Variants in RUNX2 observed in about 807,000 individuals in gnomAD.
RUNX2 encodes runt-related transcription factor 2.
RUNX2 carries 10 observed loss-of-function variants against 51.7 expected under a neutral mutation model. The ratio of observed to expected loss-of-function variants is 0.19; its 90% CI spans 0.12 to 0.33. The LOEUF (loss-of-function observed/expected upper bound fraction) is 0.33, where lower values mean the gene tolerates loss of function less well. Ranked by LOEUF, RUNX2 falls within the 10% of genes least tolerant of loss-of-function variation. The pLI is 1.00. For missense variants in RUNX2, 562 were observed against 691.3 expected, an observed-to-expected ratio of 0.81 and a Z score of 2.10; for synonymous variants, 276 against 273.6, an observed-to-expected ratio of 1.01 and a Z score of -0.09.
Position 45,549,666 on chromosome 6 carries a change from A to G in RUNX2, c.*2361A>G, listed in dbSNP as rs1802505891. ...CTGGTTACACATTTCAATTTTAATT[A>G]ATTGACATAAAAATGCTACCGCCAG... On this transcript the variant is annotated 3_prime_UTR_variant, in exon 9 of 9. Coordinates refer to ENST00000647337, the MANE Select transcript of RUNX2 (RefSeq NM_001024630.4). The G allele has an allele frequency of 3.3e-6, 1 of 305,894 alleles. No individual in the cohort carries two copies. The highest frequency in any genetic ancestry group is 5.9e-6 in the Non-Finnish European group (1 of 168,218). 18.9% of individuals were successfully genotyped at this position (305,894 alleles called of 1,614,324 possible). A position where few individuals can be genotyped will look rare whatever the true frequency, so the allele number is the denominator to read the frequency against.
At chr6:45,511,511 T>C (rs969691176) in intron 6 of RUNX2, among the ~76,000 whole-genome samples, 2 of 152,244 alleles carry the variant, frequency 1.3e-5, no homozygotes, top group African/African-American at 2.4e-5. Context: ...CAGTTCTTAA[T>C]GGTAGTTGAC....
chr6:45,474,156 T>G (rs1418131864), intron 5 of RUNX2, among the ~76,000 whole-genome samples: 1 of 151,570 alleles, frequency 6.6e-6, no homozygotes, highest in Admixed American at 6.6e-5. Flanking sequence ...CTTTTCTGTT[T>G]TCTTTTTTTT....
At chr6:45,337,313 C>T (rs1788773816) in intron 2 of RUNX2, among the ~76,000 whole-genome samples, 2 of 151,696 alleles carry the variant, frequency 1.3e-5, no homozygotes, top group Non-Finnish European at 3.0e-5. Flanking sequence ...GAAAAGCTTG[C>T]CATTGCATTT....
intron 2 of RUNX2, chr6:45,371,983 C>A (rs1355442785): frequency 1.2e-6 from 1 of 864,328 alleles, no homozygotes; most frequent in Non-Finnish European, 1.4e-6. Flanking sequence ...GGTCCCCCGA[C>A]ACCTGGTCCA....
chr6:45,412,730 G>A (rs1205337781), intron 2 of RUNX2, among the ~76,000 whole-genome samples: 1 of 151,156 alleles, frequency 6.6e-6, no homozygotes, highest in Non-Finnish European at 1.5e-5. Context: ...GGTGGGAACT[G>A]CCCCTTTTAT....
intron 2 of RUNX2, among the ~76,000 whole-genome samples, chr6:45,404,752 AT>A (rs1797796934): frequency 6.6e-6 from 1 of 152,252 alleles, no homozygotes; most frequent in Admixed American, 6.5e-5. Context: ...GAGTCTCAAC[AT>A]TGCAGAATCA....
At chr6:45,489,867 G>A (rs1800408467) in intron 5 of RUNX2, among the ~76,000 whole-genome samples, 1 of 152,200 alleles carries the variant, frequency 6.6e-6, no homozygotes, top group Admixed American at 6.5e-5. Context: ...TATTAACTTT[G>A]TAATTGAATC....
intron 7 of RUNX2, among the ~76,000 whole-genome samples, chr6:45,520,665 A>T (rs551845014): frequency 1.3e-5 from 2 of 152,046 alleles, no homozygotes; most frequent in South Asian, 2.1e-4. Flanking sequence ...TCGCTGTCTC[A>T]TCTACACCCA....
chr6:45,373,128 T>C (rs1256604409), intron 2 of RUNX2, among the ~76,000 whole-genome samples: 1 of 151,984 alleles, frequency 6.6e-6, no homozygotes, highest in Non-Finnish European at 1.5e-5. Context: ...TGTTTTAAAT[T>C]TTTTCTAGAG....
intron 2 of RUNX2, among the ~76,000 whole-genome samples, chr6:45,394,128 GTCGTGATCCGCCCTCC>G (rs1394424565): frequency 6.6e-6 from 1 of 151,736 alleles, no homozygotes; most frequent in East Asian, 2.0e-4. Flanking sequence ...GTTCAGGCTG[GTCGTGATCCGCCCTCC>G]TCGTGATCCG....
intron 7 of RUNX2, 73 bp downstream of exon 7, chr6:45,512,480 C>G: frequency 6.7e-7 from 1 of 1,496,566 alleles, no homozygotes; most frequent in East Asian, 2.3e-5. Context: ...CTGAGCCTGT[C>G]TCATCCATGC....
rs1802446934 is a variant in RUNX2 at position 45,547,717 on chromosome 6, C to T, written c.*412C>T. 1 of 299,532 alleles carries T rather than the reference C, an allele frequency of 3.3e-6. No homozygotes were observed. 18.6% of individuals were successfully genotyped at this position (299,532 alleles called of 1,614,324 possible). On this transcript the variant is annotated 3_prime_UTR_variant, in exon 9 of 9. Coordinates refer to ENST00000647337, the MANE Select transcript of RUNX2 (RefSeq NM_001024630.4). ...TCTGTGCTTTGAAACTTCACACCCT[C>T]ACGGTGGCAGCTGTGTATGGACCAG...
chr6:45,383,823 C>T (rs1797292102), intron 2 of RUNX2, among the ~76,000 whole-genome samples: 1 of 152,154 alleles, frequency 6.6e-6, no homozygotes, highest in African/African-American at 2.4e-5. Flanking sequence ...AAATAAACTA[C>T]AGTGTGGCTA....
Position 45,379,353 on chromosome 6 carries a change from C to T in RUNX2, c.59-43240C>T, listed in dbSNP as rs1197525286. On this transcript the variant is annotated intron_variant, in intron 2 of 8. Transcript: ENST00000647337. ...GTTGAAAGCTCTTTTGAGTACATTA[C>T]CAAGAAATTAGTTAACAGAAGATTA... 2.0e-5 allele frequency among the ~76,000 whole-genome samples: 3 copies of T among 152,192 alleles called. No homozygotes were observed. The East Asian group carries it at 5.8e-4, about 29-fold the overall frequency.
rs114205392 is a variant in RUNX2, at chr6:45,345,986, C to T, written c.58+17202C>T. 7.5e-3 allele frequency among the ~76,000 whole-genome samples: 1,143 copies of T among 152,260 alleles called. 21 individuals carry two copies. Among genetic ancestry groups the T allele is most frequent in the African/African-American group, 0.026 (1,086 of 41,538 alleles). On this transcript the variant is annotated intron_variant, in intron 2 of 8. Transcript: ENST00000647337. Reference sequence around the variant, plus strand: ...ACTTGCAATATTCCCTACCTATCCTCACTGTCACCCTACCTACAAATCTCT... The same window carrying T: ...ACTTGCAATATTCCCTACCTATCCTTACTGTCACCCTACCTACAAATCTCT...
intron 4 of RUNX2, among the ~76,000 whole-genome samples, chr6:45,432,812 T>C (rs1203373757): frequency 6.6e-6 from 1 of 152,222 alleles, no homozygotes; most frequent in Non-Finnish European, 1.5e-5. Flanking sequence ...AGACTTTTAC[T>C]AGTTACTCAC....
At chr6:45,440,921 G>A (rs1373983046) in intron 5 of RUNX2, among the ~76,000 whole-genome samples, 3 of 152,206 alleles carry the variant, frequency 2.0e-5, no homozygotes, top group Middle Eastern at 3.4e-3. Context: ...AAGGATACTC[G>A]ATCTGTATTC....
At chr6:45,524,819 A>C (rs1801620899) in intron 7 of RUNX2, among the ~76,000 whole-genome samples, 1 of 152,216 alleles carries the variant, frequency 6.6e-6, no homozygotes, top group African/African-American at 2.4e-5. Context: ...TGTGGCTTAA[A>C]GATATGGTAG....
intron 5 of RUNX2, among the ~76,000 whole-genome samples, chr6:45,441,138 A>G (rs549786892): frequency 8.3e-4 from 126 of 152,308 alleles, no homozygotes; most frequent in African/African-American, 2.9e-3. Context: ...TTCCTTAATT[A>G]GTGGTTATTA....
Sources: gnomAD v4.1 joint callset for allele counts (sites outside exome capture counted in the v4.1 genomes callset) on GRCh38, gnomAD v4.1.1 for gene constraint, MANE v1.5 for transcripts, NCBI Gene and HGNC (gene_info 2026-07-23, HGNC 2026-07-21) for gene names.